PCYT2: variants seen among roughly 807,000 people sequenced by gnomAD.
PCYT2 encodes the protein ethanolamine-phosphate cytidylyltransferase.
In PCYT2, 33 loss-of-function variants were observed where a neutral mutation model predicts 50.0. The observed-to-expected ratio is 0.66, with a 90% CI of 0.50 to 0.88. PCYT2 has a LOEUF of 0.88. Ranked by LOEUF, PCYT2 falls within the 40% of genes least tolerant of loss-of-function variation. The pLI, the probability that PCYT2 is intolerant of heterozygous loss-of-function variation, is 0.00. For synonymous variants in PCYT2, 240 were observed against 203.7 expected (o/e 1.18, Z -1.52); for missense variants, 430 against 519.7 (o/e 0.83, Z 1.68).
rs1175969960 is a variant in PCYT2 at position 81,902,608 on chromosome 17, C to T, written c.*2225G>A. 2 of 1,564,786 alleles carry T rather than the reference C, an allele frequency of 1.3e-6. No homozygotes were observed. Among genetic ancestry groups the T allele is most frequent in the Non-Finnish European group, 8.6e-7 (1 of 1,160,808 alleles). On this transcript the variant is annotated 3_prime_UTR_variant, in exon 13 of 13. Transcript: ENST00000538936. Reference sequence around the variant, plus strand: ...GCGGCGGCCCCTCAGCCTTTGCTTGCCTGCCCCCCAGGCTGTGTGCGTCCA... The same window carrying T: ...GCGGCGGCCCCTCAGCCTTTGCTTGTCTGCCCCCCAGGCTGTGTGCGTCCA...
chr17:81,902,665 C>T lies in PCYT2; in HGVS notation c.*2168G>A, dbSNP rs2040003099. 1.2e-6 allele frequency: 2 copies of T among 1,606,896 alleles called. No individual in the cohort carries two copies. The highest frequency in any genetic ancestry group is 1.1e-5 in the South Asian group (1 of 90,310). ...CGCCCCAAACCTGCAGAGGTGCGAGCGGCTCCCCGACGGCCGCGGGACCTA... is the reference window on the plus strand; with the variant it reads ...CGCCCCAAACCTGCAGAGGTGCGAGTGGCTCCCCGACGGCCGCGGGACCTA... On this transcript the variant is annotated 3_prime_UTR_variant, in exon 13 of 13. Transcript: ENST00000538936.
At position 81,902,267 on chromosome 17, in the gene PCYT2, C is replaced by T. The variant is rs1353132736; in HGVS notation, c.*2566G>A. 9 of 1,250,234 alleles carry T rather than the reference C, an allele frequency of 7.2e-6. No homozygotes were observed. The highest frequency in any genetic ancestry group is 8.0e-6 in the Non-Finnish European group (8 of 999,596). 77.4% of individuals were successfully genotyped at this position (1,250,234 alleles called of 1,614,324 possible). A position where few individuals can be genotyped will look rare whatever the true frequency, so the allele number is the denominator to read the frequency against. On this transcript the variant is annotated 3_prime_UTR_variant, in exon 13 of 13. Transcript: ENST00000538936. ...CCGGACGCCGCCGCCCACCAGTCAG[C>T]CGGCGTCCCCATGGCCCGGTCCGCG...
At chr17:81,906,689 G>C in intron 7 of PCYT2, 71 bp downstream of exon 7, 1 of 1,596,086 alleles carries the variant, frequency 6.3e-7, no homozygotes, top group Non-Finnish European at 8.6e-7. Context: ...GGGCCCCAAG[G>C]AGTCAAGTGA....
At position 81,902,620 on chromosome 17, in the gene PCYT2, G is replaced by A. The variant is rs775217829; in HGVS notation, c.*2213C>T. On this transcript the variant is annotated 3_prime_UTR_variant, in exon 13 of 13. Transcript: ENST00000538936. ...CAGCCTTTGCTTGCCTGCCCCCCAG[G>A]CTGTGTGCGTCCAGGACGTCGCCCC... The A allele has an allele frequency of 1.4e-5, 23 of 1,587,460 alleles. No individual in the cohort carries two copies. Among genetic ancestry groups the A allele is most frequent in the Admixed American group, 1.0e-4 (6 of 57,210 alleles).
intron 1 of PCYT2, among the ~76,000 whole-genome samples, chr17:81,910,246 C>G (rs570311388): frequency 6.6e-6 from 1 of 152,364 alleles, no homozygotes; most frequent in South Asian, 2.1e-4. Context: ...CTACACAGCC[C>G]TGCCACCAAC....
chr17:81,910,313 C>T (rs889185151), intron 1 of PCYT2, among the ~76,000 whole-genome samples: 2 of 152,252 alleles, frequency 1.3e-5, no homozygotes, highest in Non-Finnish European at 2.9e-5. Flanking sequence ...CCCATCCCCT[C>T]AAGTGGACAA....
At position 81,902,131 on chromosome 17, in the gene PCYT2, C is replaced by T. The variant is rs1014818119; in HGVS notation, c.*2702G>A. On this transcript the variant is annotated 3_prime_UTR_variant, in exon 13 of 13. Transcript: ENST00000538936. ...GGGATGCGGAGGTGCGACGGCTCCT[C>T]CGCGCGCGCCCGCTGCACCCCAGCC... The T allele has an allele frequency of 2.9e-5, 21 of 713,454 alleles. No homozygotes were observed. Among genetic ancestry groups the T allele is most frequent in the Non-Finnish European group, 3.9e-5 (21 of 533,936 alleles). 44.2% of individuals were successfully genotyped at this position (713,454 alleles called of 1,614,324 possible).
rs2040232500 is a variant in PCYT2 at position 81,905,789 on chromosome 17, C to T, written c.838-54G>A. ...TGCTCGGTCCCTGCTACTGGTAAGCCAGGGCCACAGGGTGGTGAGAGACGG... is the reference window on the plus strand; with the variant it reads ...TGCTCGGTCCCTGCTACTGGTAAGCTAGGGCCACAGGGTGGTGAGAGACGG... On this transcript the variant is annotated intron_variant, in intron 9 of 12. Coordinates refer to ENST00000538936, the MANE Select transcript of PCYT2 (RefSeq NM_002861.5). 7.7e-6 allele frequency: 12 copies of T among 1,555,372 alleles called. No individual in the cohort carries two copies. In the South Asian group the frequency reaches 8.9e-5, roughly 12 times the overall value.
Position 81,906,181 on chromosome 17 carries a change from C to A in PCYT2, c.760-4G>T. On this transcript the variant is annotated splice_polypyrimidine_tract_variant and splice_region_variant and intron_variant, in intron 8 of 12. Coordinates refer to ENST00000538936, the MANE Select transcript of PCYT2 (RefSeq NM_002861.5). ...TCCCCTTGTAGTGATTGACCTCCTG[C>A]GGCCAGAGTGCGGCTAGCTCAGCCC... is the stretch of plus-strand genomic sequence containing the variant. The A allele has an allele frequency of 6.2e-7, 1 of 1,609,006 alleles. No homozygotes were observed. Among genetic ancestry groups the A allele is most frequent in the African/African-American group, 1.3e-5 (1 of 74,894 alleles).
At chr17:81,907,685 A>AG in intron 5 of PCYT2, 87 bp from the exon 6 acceptor site, 1 of 1,595,570 alleles carries the variant, frequency 6.3e-7, no homozygotes, top group Non-Finnish European at 8.6e-7. Flanking sequence ...AGCAGTGGGC[A>AG]GGAGGACCCT....
In PCYT2 at chr17:81,902,773, G is replaced by A; in HGVS notation, c.*2060C>T. On this transcript the variant is annotated 3_prime_UTR_variant, in exon 13 of 13. Coordinates refer to ENST00000538936, the MANE Select transcript of PCYT2 (RefSeq NM_002861.5). ...AGCCCGGACCTCTCCTGGCACCGCT[G>A]GGGGCCCCCCGCCCCCACCGTCCCA... is the stretch of plus-strand genomic sequence containing the variant. 1.3e-6 allele frequency: 2 copies of A among 1,583,662 alleles called. No individual in the cohort carries two copies. Among genetic ancestry groups the A allele is most frequent in the Non-Finnish European group, 1.7e-6 (2 of 1,167,978 alleles).
intron 1 of PCYT2, among the ~76,000 whole-genome samples, chr17:81,910,394 C>T (rs2040522799): frequency 6.6e-6 from 1 of 152,258 alleles, no homozygotes; most frequent in Non-Finnish European, 1.5e-5. Flanking sequence ...TGCTCCACTG[C>T]ACACCACTGC....
At chr17:81,905,317 G>A in intron 11 of PCYT2, 65 bp downstream of exon 11, 1 of 1,436,482 alleles carries the variant, frequency 7.0e-7, no homozygotes, top group Non-Finnish European at 9.6e-7. Context: ...GGCACAGTGA[G>A]TCATTAAATG....
intron 1 of PCYT2, chr17:81,910,808 A>C (rs2040555741): frequency 1.2e-6 from 1 of 811,390 alleles, no homozygotes; most frequent in Admixed American, 6.2e-5. Context: ...TGGCCAGGGA[A>C]GACCGATCGC....
At position 81,906,892 on chromosome 17, in the gene PCYT2, C is replaced by G. The variant is rs1436214641; in HGVS notation, c.544G>C (p.Gly182Arg). The part of the protein sequence containing the change: ...EYADSFGKCP[G>R]GRNPWTGVSQ... ...ACCCCGGTCCAGGGGTTCCGCCCACCAGGGCACTGCAAGCCAAGAGAGGGA... is the reference window on the plus strand; with the variant it reads ...ACCCCGGTCCAGGGGTTCCGCCCACGAGGGCACTGCAAGCCAAGAGAGGGA... Residue 182 changes from glycine to arginine, a missense_variant, in exon 7 of 13, where the codon GGT (glycine) becomes CGT (arginine). Coordinates refer to ENST00000538936, the MANE Select transcript of PCYT2 (RefSeq NM_002861.5). The G allele has an allele frequency of 5.0e-6, 8 of 1,612,556 alleles. No homozygotes were observed. The highest frequency in any genetic ancestry group is 6.8e-6 in the Non-Finnish European group (8 of 1,179,706).
In PCYT2 at chr17:81,905,412, G is replaced by A. The variant is rs747594603; in HGVS notation, c.939C>T (p.Ile313=). The A allele has an allele frequency of 6.4e-6, 10 of 1,564,746 alleles. No homozygotes were observed. The highest frequency in any genetic ancestry group is 2.4e-5 in the East Asian group (1 of 41,780). ...ATGGGTCGGAGCCATCCCTGTCAGG[G>A]ATAATTTCTGTCTTGCCGTGACACA... ...DLVCHGKTEI[I]PDRDGSDPYQ... The change falls in exon 11 of 13, where the codon ATC becomes ATT. Residue 313 remains isoleucine, a synonymous_variant. Transcript: ENST00000538936.
At chr17:81,906,959 G>A in intron 6 of PCYT2, 61 bp from the exon 7 acceptor site, 1 of 1,557,046 alleles carries the variant, frequency 6.4e-7, no homozygotes, top group Non-Finnish European at 8.7e-7. Flanking sequence ...GCCCTCACCA[G>A]GTCACCAAAC....
In PCYT2 at chr17:81,904,798, G is replaced by A. The variant is rs1176987975; in HGVS notation, c.*35C>T. On this transcript the variant is annotated 3_prime_UTR_variant, in exon 13 of 13. Transcript: ENST00000538936. ...TCCAAACGCAGAAGGCGCAGAAGCA[G>A]AGCAGGGGGAGGGCCGGCCAGGGCC... 3 of 1,418,240 alleles carry A rather than the reference G, an allele frequency of 2.1e-6. No individual in the cohort carries two copies. Among genetic ancestry groups the A allele is most frequent in the Non-Finnish European group, 3.0e-6 (3 of 1,016,164 alleles). The allele number at this position is 1,418,240 out of a possible 1,614,324, so 87.9% of individuals were successfully genotyped here.
At position 81,906,140 on chromosome 17, in the gene PCYT2, A is replaced by G. The variant is rs749928531; in HGVS notation, c.797T>C (p.Met266Thr). 4.3e-6 allele frequency: 7 copies of G among 1,612,976 alleles called. No homozygotes were observed. In the South Asian group the frequency reaches 4.4e-5, roughly 10 times the overall value. Reference sequence around the variant, plus strand: ...GCTCAGAGTCCGTTCATGCAGATTCATGATGGGGTAGTTCTTCCCCTTGTA... The same window carrying G: ...GCTCAGAGTCCGTTCATGCAGATTCGTGATGGGGTAGTTCTTCCCCTTGTA... ...NHYKGKNYPI[M>T]NLHERTLSVL... The change falls in exon 9 of 13, where the codon ATG becomes ACG. Residue 266 changes from methionine to threonine, a missense_variant. Coordinates refer to ENST00000538936, the MANE Select transcript of PCYT2 (RefSeq NM_002861.5).
Sources: allele counts gnomAD v4.1 joint callset (sites outside exome capture counted in the v4.1 genomes callset), GRCh38; gene constraint gnomAD v4.1.1; transcripts MANE v1.5; gene names NCBI Gene and HGNC (gene_info 2026-07-23, HGNC 2026-07-21).